The following ZFC3H1 variants were observed in gnomAD, a reference collection of about 807,000 sequenced individuals.
The protein encoded by ZFC3H1 is zinc finger C3H1-type containing, also known as zinc finger C3H1 domain-containing protein.
In ZFC3H1, 71 loss-of-function variants were observed where a neutral mutation model predicts 243.7. The ratio of observed to expected loss-of-function variants is 0.29; its 90% CI spans 0.24 to 0.36. The LOEUF is 0.36. Ranked by LOEUF, ZFC3H1 falls within the 10% of genes least tolerant of loss-of-function variation. The pLI is 1.00. For synonymous variants in ZFC3H1, 838 were observed against 813.0 expected (o/e 1.03, Z -0.52); for missense variants, 1,966 against 2,317.1 (o/e 0.85, Z 3.11).
chr12:71,627,656 G>A, intron 21 of ZFC3H1, 95 bp downstream of exon 21: 2 of 1,224,620 alleles, frequency 1.6e-6, no homozygotes, highest in South Asian at 3.1e-5. Flanking sequence ...ATTGATACTA[G>A]GAAAGAAACC....
chr12:71,647,413 T>C (rs532172323), intron 3 of ZFC3H1, among the ~76,000 whole-genome samples: 1 of 152,260 alleles, frequency 6.6e-6, no homozygotes, highest in South Asian at 2.1e-4. Context: ...GGTGAAGGTC[T>C]ACCTTACTCC....
rs774744524 is a variant in ZFC3H1, at chr12:71,610,447, G to C, written c.5951C>G (p.Thr1984Arg). 1.2e-6 allele frequency: 2 copies of C among 1,613,214 alleles called. No individual in the cohort carries two copies. The highest frequency in any genetic ancestry group is 2.2e-5 in the South Asian group (2 of 91,046). ...CAGTGTTCAGTGATTCTTGCTTTCT[G>C]TTTTGTTACTGTTTAAATTTAAGAG... ...NELLNLNSNK[T>R]ESKNH is the part of the protein sequence containing the mutation. Residue 1984 changes from threonine (T) to arginine (R), a missense_variant, in exon 35 of 35, where the codon ACA becomes AGA. Thr to Arg is a moderately conservative substitution (Grantham distance 71, BLOSUM62 -1). This residue lies in a region of ZFC3H1 where 1,383 missense variants were observed against 1,723.7 expected (regional missense o/e 0.80). Transcript: ENST00000378743.
At chr12:71,652,390 C>T (rs890272367) in intron 2 of ZFC3H1, among the ~76,000 whole-genome samples, 1 of 152,130 alleles carries the variant, frequency 6.6e-6, no homozygotes, top group African/African-American at 2.4e-5. Flanking sequence ...AAGGCCTTCC[C>T]AATCCAACAC....
intron 16 of ZFC3H1, among the ~76,000 whole-genome samples, chr12:71,631,311 T>C (rs1182715579): frequency 6.6e-6 from 1 of 151,724 alleles, no homozygotes; most frequent in African/African-American, 2.4e-5. Context: ...GAAGGTGCTT[T>C]ACAATTTTAA....
At chr12:71,648,916 T>C (rs186440992) in intron 2 of ZFC3H1, among the ~76,000 whole-genome samples, 1 of 151,520 alleles carries the variant, frequency 6.6e-6, no homozygotes, top group South Asian at 2.1e-4. Flanking sequence ...ATGGCAAAAC[T>C]CTGTCTCTAC....
intron 31 of ZFC3H1, among the ~76,000 whole-genome samples, chr12:71,612,739 A>G (rs1879802760): frequency 6.6e-6 from 1 of 152,208 alleles, no homozygotes; most frequent in South Asian, 2.1e-4. Context: ...CCAGTGCATT[A>G]GCATGCAGGG....
Position 71,640,551 on chromosome 12 carries a change from C to T in ZFC3H1, c.1627+1885G>A, listed in dbSNP as rs187471089. On this transcript the variant is annotated intron_variant, in intron 6 of 34. Transcript: ENST00000378743. ...GCTCAAGGTATTTGCAGCCTCAGAG[C>T]TTGGCTTTCCACAAGTCCACCCACC... 2.6e-5 allele frequency among the ~76,000 whole-genome samples: 4 copies of T among 152,326 alleles called. No individual in the cohort carries two copies. In the East Asian group the frequency reaches 7.7e-4, roughly 29 times the overall value.
At chr12:71,637,158 T>A in intron 7 of ZFC3H1, 99 bp from the exon 8 acceptor site, 1 of 1,058,776 alleles carries the variant, frequency 9.4e-7, no homozygotes, top group Non-Finnish European at 1.3e-6. Flanking sequence ...AACTTTACAT[T>A]ATTATTTTAG....
intron 8 of ZFC3H1, 96 bp from the exon 9 acceptor site, chr12:71,636,750 TGC>T: frequency 6.4e-7 from 1 of 1,555,594 alleles, no homozygotes; most frequent in Non-Finnish European, 8.7e-7. Context: ...ATCCCCACTT[TGC>T]TGAAAAGCCC....
intron 1 of ZFC3H1, among the ~76,000 whole-genome samples, chr12:71,662,392 CAGAT>C (rs1440575788): frequency 1.3e-5 from 2 of 151,764 alleles, no homozygotes; most frequent in East Asian, 1.9e-4. Flanking sequence ...AAAGTGAACA[CAGAT>C]AGAAACGTAA....
At chr12:71,629,837 G>A in intron 18 of ZFC3H1, 127 bp from the exon 19 acceptor site, 1 of 605,288 alleles carries the variant, frequency 1.7e-6, no homozygotes, top group Non-Finnish European at 2.9e-6. Flanking sequence ...TAACACCTAT[G>A]GCATTTGAAA....
At chr12:71,622,483 G>A (rs767763921) in intron 24 of ZFC3H1, among the ~76,000 whole-genome samples, 15 of 150,440 alleles carry the variant, frequency 1.0e-4, no homozygotes, top group Non-Finnish European at 1.6e-4. Flanking sequence ...TTTTTTTAGA[G>A]ACTGAGTCTC....
intron 33 of ZFC3H1, 125 bp downstream of exon 33, chr12:71,610,933 C>A: frequency 1.4e-6 from 2 of 1,470,220 alleles, no homozygotes; most frequent in Non-Finnish European, 1.9e-6. Context: ...TTTGTTTCCC[C>A]ACTTGGTTCT....
At position 71,627,773 on chromosome 12, in the gene ZFC3H1, T is replaced by G. The variant is rs766817348; in HGVS notation, c.4108A>C (p.Lys1370Gln). 8 of 1,612,472 alleles carry G rather than the reference T, an allele frequency of 5.0e-6. No homozygotes were observed. Among genetic ancestry groups the G allele is most frequent in the Non-Finnish European group, 6.8e-6 (8 of 1,179,462 alleles). The change falls in exon 21 of 35, where the codon AAG (lysine) becomes CAG (glutamine). Residue 1370 changes from lysine to glutamine, a missense_variant. Lys to Gln is a moderately conservative substitution (Grantham distance 53). Around this residue, in one of 4 missense-constraint regions of ZFC3H1, gnomAD observed 1,383 missense variants for 1,723.7 expected, o/e 0.80. Coordinates refer to ENST00000378743, the MANE Select transcript of ZFC3H1 (RefSeq NM_144982.5). ...TACCCCTCATTTTGATTCAAGTACTTGTACGCAAGCTTGAGCCAAAGTTGT... is the reference window on the plus strand; with the variant it reads ...TACCCCTCATTTTGATTCAAGTACTGGTACGCAAGCTTGAGCCAAAGTTGT... ...HVQLWLKLAY[K>Q]YLNQNEGECS...
In ZFC3H1 at chr12:71,624,271, A is replaced by G. The variant is rs766228781; in HGVS notation, c.4339T>C (p.Phe1447Leu). ...TCACATACGTAATCCTTTTCTTCAA[A>G]GGTACTTTCTAGGTGTAGAAACTGC... Reference protein sequence around the residue: ...FWTFLHLESTFEEKDYVCERM... With the variant: ...FWTFLHLESTLEEKDYVCERM... The change falls in exon 23 of 35, where the codon TTT becomes CTT. Residue 1447 changes from phenylalanine (F) to leucine (L), a missense_variant. Around this residue, in one of 4 missense-constraint regions of ZFC3H1, gnomAD observed 1,383 missense variants for 1,723.7 expected, o/e 0.80. Transcript: ENST00000378743. 1 of 1,612,264 alleles carries G rather than the reference A, an allele frequency of 6.2e-7. No individual in the cohort carries two copies. Among genetic ancestry groups the G allele is most frequent in the Admixed American group, 1.7e-5 (1 of 59,852 alleles).
At chr12:71,647,962 T>C (rs918229949) in intron 2 of ZFC3H1, 149 bp from the exon 3 acceptor site, 61 of 385,168 alleles carry the variant, frequency 1.6e-4, no homozygotes, top group Non-Finnish European at 2.0e-4. Flanking sequence ...GAAATACCAT[T>C]AAAGAGAATG....
Position 71,663,148 on chromosome 12 carries a change from T to A in ZFC3H1, c.463A>T (p.Ser155Cys). ...ACTCCTCGCCCCCGACTCCAGCGAC[T>A]CCCACCCCGGTAAGGCCTGCCTCGA... is the stretch of plus-strand genomic sequence containing the variant. The part of the protein sequence containing the change: ...RFRGRPYRGG[S>C]RWSRGRGVGE... Residue 155 changes from serine (S) to cysteine (C), a missense_variant, in exon 1 of 35, where the codon AGT becomes TGT. By Grantham distance (112) the Ser-to-Cys change is moderately radical. Coordinates refer to ENST00000378743, the MANE Select transcript of ZFC3H1 (RefSeq NM_144982.5). 6.2e-7 allele frequency: 1 copy of A among 1,613,938 alleles called. No individual in the cohort carries two copies. Among genetic ancestry groups the A allele is most frequent in the Non-Finnish European group, 8.5e-7 (1 of 1,179,978 alleles).
intron 26 of ZFC3H1, 75 bp from the exon 27 acceptor site, chr12:71,619,484 AGCCTT>A: frequency 7.0e-7 from 1 of 1,433,842 alleles, no homozygotes; most frequent in Admixed American, 2.0e-5. Flanking sequence ...GGAGAAAAAA[AGCCTT>A]AAAAAAGTAC....
chr12:71,648,123 A>G (rs1880773326), intron 2 of ZFC3H1, among the ~76,000 whole-genome samples: 1 of 152,230 alleles, frequency 6.6e-6, no homozygotes, highest in South Asian at 2.1e-4. Flanking sequence ...AAGCATAGAA[A>G]CAAGCAGCAA....
Sources: allele counts gnomAD v4.1 joint callset (sites outside exome capture counted in the v4.1 genomes callset), GRCh38; gene constraint gnomAD v4.1.1; regional missense constraint gnomAD v4.1.1; transcripts MANE v1.5; gene names NCBI Gene and HGNC (gene_info 2026-07-23, HGNC 2026-07-21).